Variants in ZSWIM8 observed in about 807,000 individuals in gnomAD.
ZSWIM8 encodes zinc finger SWIM-type containing 8.
ZSWIM8 carries 27 observed loss-of-function variants against 173.7 expected under a neutral mutation model. The ratio of observed to expected loss-of-function variants is 0.16; its 90% CI spans 0.11 to 0.21. The LOEUF (loss-of-function observed/expected upper bound fraction) is 0.21, where lower values mean the gene tolerates loss of function less well. Ranked by LOEUF, ZSWIM8 falls within the 10% of genes least tolerant of loss-of-function variation. The pLI is 1.00. For synonymous variants in ZSWIM8, 958 were observed against 962.0 expected (o/e 1.00, Z 0.08); for missense variants, 1,627 against 2,428.8 (o/e 0.67, Z 6.94).
intron 12 of ZSWIM8, 41 bp from the exon 13 acceptor site, chr10:73,794,106 A>G: frequency 1.2e-6 from 2 of 1,612,502 alleles, no homozygotes; most frequent in South Asian, 1.1e-5. Context: ...CTTGATCTCT[A>G]TTGACACACC....
intron 7 of ZSWIM8, 54 bp from the exon 8 acceptor site, chr10:73,790,921 G>A (rs974947590): frequency 6.6e-6 from 10 of 1,510,406 alleles, no homozygotes; most frequent in Non-Finnish European, 8.9e-6. Flanking sequence ...GCCCTTTTAG[G>A]TTTCATTCAG....
In ZSWIM8 at chr10:73,800,579, G is replaced by A; in HGVS notation, c.5003-61G>A. 1.2e-6 allele frequency: 2 copies of A among 1,604,906 alleles called. No individual in the cohort carries two copies. Among genetic ancestry groups the A allele is most frequent in the Non-Finnish European group, 1.7e-6 (2 of 1,174,264 alleles). On this transcript the variant is annotated intron_variant, in intron 23 of 25. Transcript: ENST00000604729. The surrounding 1 kb of genome is among the most constrained non-coding windows in gnomAD (Gnocchi z 4.1). ...TGTTTACTGTGGGGTCAGGTGACAG[G>A]TTGGGGTAAAGGGTGAAGAGGATAC...
chr10:73,795,962 CAAAAAA>C (rs34801762), intron 15 of ZSWIM8, among the ~76,000 whole-genome samples: 5 of 58,810 alleles, frequency 8.5e-5, no homozygotes, highest in African/African-American at 3.4e-4. Context: ...GACCCTGTTT[CAAAAAA>C]AAAAAAAAAA....
rs755484918 is a variant in ZSWIM8, at chr10:73,800,035, G to A, written c.4690G>A (p.Ala1564Thr). The change falls in exon 22 of 26, where the codon GCT (alanine) becomes ACT (threonine). Residue 1564 changes from alanine (A) to threonine (T), a missense_variant. Around this residue, in one of 18 missense-constraint regions of ZSWIM8, gnomAD observed 275 missense variants for 290.1 expected, o/e 0.95. Transcript: ENST00000604729. This position sits in a 1 kb window ranked among gnomAD's most constrained non-coding sequence, Gnocchi z 4.1. ...PQGVHPAFLGAQYPYSVTPPS... is the reference protein window; with the variant it reads ...PQGVHPAFLGTQYPYSVTPPS... Reference sequence around the variant, plus strand: ...GGGTGTGCATCCTGCATTCCTAGGGGCTCAGTACCCTTATTCAGTGACTCC... The same window carrying A: ...GGGTGTGCATCCTGCATTCCTAGGGACTCAGTACCCTTATTCAGTGACTCC... 1.9e-6 allele frequency: 3 copies of A among 1,613,660 alleles called. No homozygotes were observed. Among genetic ancestry groups the A allele is most frequent in the Admixed American group, 3.3e-5 (2 of 60,008 alleles).
chr10:73,793,754 C>A lies in ZSWIM8; in HGVS notation c.2445+35C>A, dbSNP rs372881703. 55 of 1,574,458 alleles carry A rather than the reference C, an allele frequency of 3.5e-5. No homozygotes were observed. The African/African-American group carries it at 6.5e-4, about 18-fold the overall frequency. On this transcript the variant is annotated intron_variant, in intron 11 of 25. Coordinates refer to ENST00000604729, the MANE Select transcript of ZSWIM8 (RefSeq NM_001367799.1). ...CCCCTTCCTCTACCTTCCCCTCCCC[C>A]ACTTACCCCCAACCTGCTCCCATGC...
intron 15 of ZSWIM8, 141 bp downstream of exon 15, chr10:73,795,804 C>T: frequency 1.1e-6 from 1 of 944,484 alleles, no homozygotes; most frequent in Non-Finnish European, 1.5e-6. Context: ...CCAAAAAATA[C>T]AAAAAATTAG....
Position 73,789,216 on chromosome 10 carries a change from C to T in ZSWIM8, c.457+26C>T. ...GTGAGTGGGCCATCATGCCATGTGG[C>T]ACATCCTGCTCCTCCCATCCCCTGG... On this transcript the variant is annotated intron_variant, in intron 3 of 25. Coordinates refer to ENST00000604729, the MANE Select transcript of ZSWIM8 (RefSeq NM_001367799.1). The surrounding 1 kb of genome is among the most constrained non-coding windows in gnomAD (Gnocchi z 6.8). 6.2e-7 allele frequency: 1 copy of T among 1,612,818 alleles called. No homozygotes were observed. Among genetic ancestry groups the T allele is most frequent in the South Asian group, 1.1e-5 (1 of 91,058 alleles).
Position 73,798,470 on chromosome 10 carries a change from T to G in ZSWIM8, c.4176+17T>G. ...AAGGAACAGGTATTTCTACGGGCAA[T>G]CTGGGAACCTCTTCTGGGGCATCTG... On this transcript the variant is annotated intron_variant, in intron 20 of 25. Transcript: ENST00000604729. The G allele has an allele frequency of 6.2e-7, 1 of 1,605,570 alleles. No homozygotes were observed. Among genetic ancestry groups the G allele is most frequent in the Non-Finnish European group, 8.5e-7 (1 of 1,173,940 alleles).
intron 20 of ZSWIM8, among the ~76,000 whole-genome samples, chr10:73,798,795 A>G (rs547129011): frequency 1.3e-5 from 2 of 152,306 alleles, no homozygotes; most frequent in South Asian, 2.1e-4. Flanking sequence ...AACTGGGACT[A>G]TAACCTGGGT....
chr10:73,789,208 C>A lies in ZSWIM8; in HGVS notation c.457+18C>A. 6.2e-7 allele frequency: 1 copy of A among 1,613,208 alleles called. No homozygotes were observed. ...GCAGATAGGTGAGTGGGCCATCATG[C>A]CATGTGGCACATCCTGCTCCTCCCA... On this transcript the variant is annotated intron_variant, in intron 3 of 25. Coordinates refer to ENST00000604729, the MANE Select transcript of ZSWIM8 (RefSeq NM_001367799.1). The surrounding 1 kb of genome is among the most constrained non-coding windows in gnomAD (Gnocchi z 6.8).
chr10:73,789,627 C>T lies in ZSWIM8; in HGVS notation c.630+88C>T, dbSNP rs971916462. 9.0e-6 allele frequency: 14 copies of T among 1,547,512 alleles called. No homozygotes were observed. Among genetic ancestry groups the T allele is most frequent in the Middle Eastern group, 1.7e-4 (1 of 5,762 alleles). On this transcript the variant is annotated intron_variant, in intron 4 of 25. Coordinates refer to ENST00000604729, the MANE Select transcript of ZSWIM8 (RefSeq NM_001367799.1). This position sits in a 1 kb window ranked among gnomAD's most constrained non-coding sequence, Gnocchi z 6.8. ...TGCCTGGCTACAATGTGAGCCCCCT[C>T]GCCTCGCCTACTCTGCCTCTCTGTC...
In ZSWIM8 at chr10:73,795,618, A is replaced by T; in HGVS notation, c.2988A>T (p.Leu996Phe). 6.2e-7 allele frequency: 1 copy of T among 1,613,894 alleles called. No individual in the cohort carries two copies. The highest frequency in any genetic ancestry group is 8.5e-7 in the Non-Finnish European group (1 of 1,179,852). Residue 996 changes from leucine (L) to phenylalanine (F), a missense_variant, in exon 15 of 26, where the codon TTA (leucine) becomes TTT (phenylalanine). Leu to Phe is a conservative substitution (Grantham distance 22). This residue lies in a region of ZSWIM8 where 163 missense variants were observed against 193.2 expected (regional missense o/e 0.84). Transcript: ENST00000604729. ...GTCGGGAGAAGGGTGACCTGGCATTAGCACTAATGATCACTTACAAGGACG... is the reference window on the plus strand; with the variant it reads ...GTCGGGAGAAGGGTGACCTGGCATTTGCACTAATGATCACTTACAAGGACG... ...GTRREKGDLA[L>F]ALMITYKDDQ...
In ZSWIM8 at chr10:73,798,431, C is replaced by T; in HGVS notation, c.4154C>T (p.Ala1385Val). ...TTGAACCCTAATGAGATCCAGCGGG[C>T]CCTGGTGCAGTGCAAGGAACAGGTA... ...HALNPNEIQR[A>V]LVQCKEQDNL... The change falls in exon 20 of 26, where the codon GCC becomes GTC. Residue 1385 changes from alanine to valine, a missense_variant. Physicochemically the swap from Ala to Val is moderately conservative, Grantham distance 64. Around this residue, in one of 18 missense-constraint regions of ZSWIM8, gnomAD observed 95 missense variants for 271.3 expected, o/e 0.35. Transcript: ENST00000604729. 6.2e-7 allele frequency: 1 copy of T among 1,613,912 alleles called. No individual in the cohort carries two copies. The highest frequency in any genetic ancestry group is 8.5e-7 in the Non-Finnish European group (1 of 1,179,860).
rs745597468 is a variant in ZSWIM8, at chr10:73,801,678, G to GTCTC, written c.*160_*163dup. On this transcript the variant is annotated 3_prime_UTR_variant, in exon 26 of 26. Coordinates refer to ENST00000604729, the MANE Select transcript of ZSWIM8 (RefSeq NM_001367799.1). This position sits in a 1 kb window ranked among gnomAD's most constrained non-coding sequence, Gnocchi z 4.9. ...TTGGGCTATAGCTTGGGGCCAAGAT[G>GTCTC]TCTCACACCCTAGAAGCCTAGGGCT... 12 of 1,534,546 alleles carry GTCTC rather than the reference G, an allele frequency of 7.8e-6. No homozygotes were observed. Among genetic ancestry groups the GTCTC allele is most frequent in the South Asian group, 1.2e-5 (1 of 83,220 alleles).
At chr10:73,788,240 TA>T (rs71482558) in intron 1 of ZSWIM8, among the ~76,000 whole-genome samples, 8,263 of 134,982 alleles carry the variant, frequency 0.061, 213 homozygotes, top group Non-Finnish European at 0.08. Flanking sequence ...AAGGGATGGT[TA>T]AAAAAAAAAA....
rs1310345074 is a variant in ZSWIM8 at position 73,801,767 on chromosome 10, A to AAAT, written c.*250_*252dup. The AAAT allele has an allele frequency of 6.7e-7, 1 of 1,488,040 alleles. No homozygotes were observed. Among genetic ancestry groups the AAAT allele is most frequent in the African/African-American group, 1.4e-5 (1 of 71,442 alleles). The allele number at this position is 1,488,040 out of a possible 1,614,324, so 92.2% of individuals were successfully genotyped here. On this transcript the variant is annotated 3_prime_UTR_variant, in exon 26 of 26. Coordinates refer to ENST00000604729, the MANE Select transcript of ZSWIM8 (RefSeq NM_001367799.1). This position sits in a 1 kb window ranked among gnomAD's most constrained non-coding sequence, Gnocchi z 4.9. ...CCTCTGGTATTTATTTGGCATTTAT[A>AAAT]AATATATAAACTCCTTTTTTACTCT...
At position 73,786,229 on chromosome 10, in the gene ZSWIM8, C is replaced by G. The variant is rs904000463; in HGVS notation, c.208+143C>G. ...GGAGCTGTCCCCGGCCGGGAGCTGTCCCCGACTGGGAGCTGTCCCAAGCTT... is the reference window on the plus strand; with the variant it reads ...GGAGCTGTCCCCGGCCGGGAGCTGTGCCCGACTGGGAGCTGTCCCAAGCTT... On this transcript the variant is annotated intron_variant, in intron 1 of 25. Transcript: ENST00000604729. The G allele has an allele frequency of 4.1e-6, 4 of 971,906 alleles. No homozygotes were observed. The South Asian group carries it at 7.3e-5, about 18-fold the overall frequency. The allele number at this position is 971,906 out of a possible 1,614,324, so 60.2% of individuals were successfully genotyped here.
intron 21 of ZSWIM8, 149 bp from the exon 22 acceptor site, chr10:73,799,862 G>A (rs2083845637): frequency 6.5e-6 from 5 of 767,990 alleles, no homozygotes; most frequent in African/African-American, 3.5e-5. Context: ...GCAGTGAGCC[G>A]ATATCGTGCC....
At position 73,801,655 on chromosome 10, in the gene ZSWIM8, G is replaced by C; in HGVS notation, c.*136G>C. 1 of 1,535,824 alleles carries C rather than the reference G, an allele frequency of 6.5e-7. No homozygotes were observed. The highest frequency in any genetic ancestry group is 8.7e-7 in the Non-Finnish European group (1 of 1,146,744). ...GTAGCACAGACTGACAGCTGCTCTT[G>C]GGCTATAGCTTGGGGCCAAGATGTC... On this transcript the variant is annotated 3_prime_UTR_variant, in exon 26 of 26. Coordinates refer to ENST00000604729, the MANE Select transcript of ZSWIM8 (RefSeq NM_001367799.1). The surrounding 1 kb of genome is among the most constrained non-coding windows in gnomAD (Gnocchi z 4.9).
Sources: gnomAD v4.1 joint callset for allele counts (sites outside exome capture counted in the v4.1 genomes callset) on GRCh38, gnomAD v4.1.1 for gene constraint, gnomAD v4.1.1 regional missense constraint, Gnocchi (gnomAD v3.1) non-coding constraint, MANE v1.5 for transcripts, NCBI Gene and HGNC (gene_info 2026-07-23, HGNC 2026-07-21) for gene names.